The following CYP3A43 variants were observed in gnomAD, a reference collection of about 807,000 sequenced individuals.
CYP3A43 encodes the protein cytochrome P450 family 3 subfamily A member 43.
CYP3A43 carries 45 observed loss-of-function variants against 58.0 expected under a neutral mutation model. The observed-to-expected ratio is 0.78, with a 90% confidence interval of 0.61 to 0.99. The LOEUF (loss-of-function observed/expected upper bound fraction) is 0.99, where lower values mean the gene tolerates loss of function less well. CYP3A43 is among the 50% of genes least tolerant of loss of function. The pLI, the probability that CYP3A43 is intolerant of heterozygous loss-of-function variation, is 0.00. For synonymous variants in CYP3A43, 191 were observed against 201.4 expected (o/e 0.95, Z 0.44); for missense variants, 593 against 591.9 (o/e 1.00, Z -0.02).
intron 3 of CYP3A43, among the ~76,000 whole-genome samples, chr7:99,840,881 G>A (rs1383447156): frequency 6.6e-6 from 1 of 152,152 alleles, no homozygotes; most frequent in Admixed American, 6.5e-5. Flanking sequence ...TTTCCCATCA[G>A]TGTGATAGAA....
At chr7:99,859,420 T>C (rs1223744781) in intron 9 of CYP3A43, among the ~76,000 whole-genome samples, 1 of 152,250 alleles carries the variant, frequency 6.6e-6, no homozygotes, top group Non-Finnish European at 1.5e-5. Flanking sequence ...TCAAGCTATA[T>C]TGTAGCTAGA....
chr7:99,835,677 C>T (rs547305745), intron 1 of CYP3A43, among the ~76,000 whole-genome samples: 1 of 152,302 alleles, frequency 6.6e-6, no homozygotes, highest in Admixed American at 6.5e-5. Flanking sequence ...CCTGCACATT[C>T]ATAGTAGTTA....
chr7:99,838,169 T>C (rs1817170327), intron 2 of CYP3A43, among the ~76,000 whole-genome samples: 1 of 152,234 alleles, frequency 6.6e-6, no homozygotes, highest in African/African-American at 2.4e-5. Context: ...TGTAATGTGC[T>C]GTGTCTGACA....
rs771103823 is a variant in CYP3A43 at position 99,855,728 on chromosome 7, G to C, written c.798+10G>C. 1.3e-6 allele frequency: 2 copies of C among 1,599,662 alleles called. No homozygotes were observed. Among genetic ancestry groups the C allele is most frequent in the Non-Finnish European group, 1.7e-6 (2 of 1,173,090 alleles). ...CAAAGATAAACAAAAGGTAAAATCT[G>C]GTGGTGGTGACATGAGAATGTTCAC... On this transcript the variant is annotated intron_variant, in intron 8 of 12. Coordinates refer to ENST00000354829, the MANE Select transcript of CYP3A43 (RefSeq NM_057095.3).
Position 99,828,156 on chromosome 7 carries a change from T to C in CYP3A43, c.41T>C (p.Leu14Pro), listed in dbSNP as rs764735572. 6 of 1,612,966 alleles carry C rather than the reference T, an allele frequency of 3.7e-6. No individual in the cohort carries two copies. In the African/African-American group the frequency reaches 5.3e-5, roughly 14 times the overall value. The change falls in exon 1 of 13, where the codon CTT becomes CCT. Residue 14 changes from leucine (L) to proline (P), a missense_variant. Leu to Pro is a moderately conservative substitution (Grantham distance 98, BLOSUM62 -3). Transcript: ENST00000354829. ...IPNFAMETWV[L>P]VATSLVLLYI... Reference sequence around the variant, plus strand: ...AACTTTGCCATGGAAACATGGGTTCTTGTGGCTACCAGCCTGGTACTCCTC... The same window carrying C: ...AACTTTGCCATGGAAACATGGGTTCCTGTGGCTACCAGCCTGGTACTCCTC...
At chr7:99,850,149 G>A in intron 7 of CYP3A43, 3 of 339,390 alleles carry the variant, frequency 8.8e-6, no homozygotes, top group South Asian at 6.8e-5. Flanking sequence ...TAGAGACGGG[G>A]TTTTGCCATG....
intron 8 of CYP3A43, among the ~76,000 whole-genome samples, 168 bp downstream of exon 8, chr7:99,855,886 A>G (rs1817958024): frequency 6.6e-6 from 1 of 152,232 alleles, no homozygotes; most frequent in Non-Finnish European, 1.5e-5. Flanking sequence ...AGCTTGGGGA[A>G]GAAAGAGAAT....
Position 99,866,057 on chromosome 7 carries a change from A to G in CYP3A43, c.*56A>G. On this transcript the variant is annotated 3_prime_UTR_variant, in exon 13 of 13. Transcript: ENST00000354829. The stretch of plus-strand genomic sequence containing the variant: ...AAAGCTGTATCCCAGAACACTAGAC[A>G]CTTCAAATTGTTTTGTGAATAAAAC... 9.1e-7 allele frequency: 1 copy of G among 1,100,088 alleles called. No individual in the cohort carries two copies. Among genetic ancestry groups the G allele is most frequent in the South Asian group, 1.6e-5 (1 of 62,648 alleles). 68.1% of individuals were successfully genotyped at this position (1,100,088 alleles called of 1,614,324 possible).
At chr7:99,850,508 C>T (rs1269970420) in intron 7 of CYP3A43, among the ~76,000 whole-genome samples, 2 of 152,098 alleles carry the variant, frequency 1.3e-5, no homozygotes, top group African/African-American at 4.8e-5. Flanking sequence ...GATCTGCCTG[C>T]CTCAGCCTCC....
chr7:99,861,340 T>C (rs750161979), intron 10 of CYP3A43, among the ~76,000 whole-genome samples: 1 of 152,194 alleles, frequency 6.6e-6, no homozygotes, highest in Non-Finnish European at 1.5e-5. Context: ...ATGTTTGTTC[T>C]CCCAAGAAAG....
intron 1 of CYP3A43, among the ~76,000 whole-genome samples, chr7:99,831,035 C>T (rs997562245): frequency 6.6e-6 from 1 of 152,166 alleles, no homozygotes; most frequent in African/African-American, 2.4e-5. Flanking sequence ...GAGTTTTGAT[C>T]TACCTAGACT....
rs150170731 is a variant in CYP3A43, at chr7:99,855,679, T to C, written c.759T>C (p.Ile253=). 1 of 1,612,746 alleles carries C rather than the reference T, an allele frequency of 6.2e-7. No homozygotes were observed. The highest frequency in any genetic ancestry group is 1.3e-5 in the African/African-American group (1 of 74,996). The change falls in exon 8 of 13, where the codon ATT becomes ATC. Residue 253 remains isoleucine, a synonymous_variant. Coordinates refer to ENST00000354829, the MANE Select transcript of CYP3A43 (RefSeq NM_057095.3). The stretch of plus-strand genomic sequence containing the variant: ...TTACCCATTTTTTAAAAAATTCCAT[T>C]GAAAGGATGAAAGAAAGTCGCCTCA... ...KDVTHFLKNS[I]ERMKESRLKD...
At chr7:99,833,402 C>A (rs915479694) in intron 1 of CYP3A43, among the ~76,000 whole-genome samples, 1 of 152,130 alleles carries the variant, frequency 6.6e-6, no homozygotes, top group Non-Finnish European at 1.5e-5. Context: ...AAATGCATTA[C>A]ATCATTTCTT....
At chr7:99,843,040 T>C (rs1817399484) in intron 3 of CYP3A43, among the ~76,000 whole-genome samples, 1 of 152,256 alleles carries the variant, frequency 6.6e-6, no homozygotes, top group South Asian at 2.1e-4. Context: ...CGACTTTGCC[T>C]CTATTCTCTC....
At chr7:99,831,337 A>G (rs1816835696) in intron 1 of CYP3A43, among the ~76,000 whole-genome samples, 1 of 152,232 alleles carries the variant, frequency 6.6e-6, no homozygotes, top group Non-Finnish European at 1.5e-5. Flanking sequence ...GGAATATTTT[A>G]TGGTTACTTA....
chr7:99,861,124 T>G (rs1382318009), intron 10 of CYP3A43, among the ~76,000 whole-genome samples: 3 of 152,228 alleles, frequency 2.0e-5, no homozygotes. Flanking sequence ...TCCACCCACC[T>G]TGGCCTCCCA....
At chr7:99,831,088 A>C (rs1165013816) in intron 1 of CYP3A43, among the ~76,000 whole-genome samples, 6 of 152,212 alleles carry the variant, frequency 3.9e-5, no homozygotes, top group Non-Finnish European at 8.8e-5. Context: ...ATTATAAACA[A>C]CTGGAAACCC....
At chr7:99,857,707 G>T (rs1563071051) in intron 9 of CYP3A43, among the ~76,000 whole-genome samples, 1 of 152,080 alleles carries the variant, frequency 6.6e-6, no homozygotes, top group Admixed American at 6.5e-5. Context: ...GCCGGGTGTG[G>T]TGGCGCACAC....
intron 3 of CYP3A43, 69 bp downstream of exon 3, chr7:99,839,241 C>T (rs1817229272): frequency 6.4e-7 from 1 of 1,566,164 alleles, no homozygotes; most frequent in South Asian, 1.1e-5. Flanking sequence ...GCAGAGAGAA[C>T]AATCTCAGCC....
Sources: allele counts gnomAD v4.1 joint callset (sites outside exome capture counted in the v4.1 genomes callset), GRCh38; gene constraint gnomAD v4.1.1; transcripts MANE v1.5; gene names NCBI Gene and HGNC (gene_info 2026-07-23, HGNC 2026-07-21).